Variants in EPB41L2 observed in about 807,000 individuals in gnomAD.
The protein encoded by EPB41L2 is band 4.1-like protein 2.
A neutral mutation model predicts 113.0 loss-of-function variants in EPB41L2; 43 were observed. The observed-to-expected ratio is 0.38, with a 90% CI of 0.30 to 0.49. The LOEUF (loss-of-function observed/expected upper bound fraction) is 0.49, where lower values mean the gene tolerates loss of function less well. Ranked by LOEUF, EPB41L2 falls within the 20% of genes least tolerant of loss-of-function variation. The pLI is 0.95. For synonymous variants in EPB41L2, 442 were observed against 436.7 expected (o/e 1.01, Z -0.15); for missense variants, 1,147 against 1,223.4 (o/e 0.94, Z 0.93).
intron 18 of EPB41L2, among the ~76,000 whole-genome samples, chr6:130,858,667 C>T (rs374885615): frequency 6.6e-6 from 1 of 152,270 alleles, no homozygotes; most frequent in African/African-American, 2.4e-5. Context: ...TCTAGACATT[C>T]AGGTGATACT....
chr6:130,962,645 C>T (rs563861276), intron 1 of EPB41L2, among the ~76,000 whole-genome samples: 13 of 152,126 alleles, frequency 8.5e-5, no homozygotes, highest in South Asian at 4.1e-4. Context: ...AACTAATATC[C>T]GGTTTAAATT....
In EPB41L2 at chr6:130,955,984, C is replaced by A; in HGVS notation, c.492+10G>T. ...GGTTTTCATTTCCAGGCAATTATTC[C>A]CAAACATACCTGCATCTCCACTTTG... On this transcript the variant is annotated intron_variant, in intron 2 of 19. Transcript: ENST00000337057. 1 of 1,598,924 alleles carries A rather than the reference C, an allele frequency of 6.3e-7. No individual in the cohort carries two copies. Among genetic ancestry groups the A allele is most frequent in the Non-Finnish European group, 8.5e-7 (1 of 1,175,140 alleles).
chr6:131,054,814 T>C (rs1472105642), intron 1 of EPB41L2, among the ~76,000 whole-genome samples: 1 of 152,248 alleles, frequency 6.6e-6, no homozygotes, highest in Non-Finnish European at 1.5e-5. Flanking sequence ...AGGCAGCCCC[T>C]GAGCTTCCAC....
At chr6:131,037,879 G>A (rs955585089) in intron 1 of EPB41L2, among the ~76,000 whole-genome samples, 10 of 151,990 alleles carry the variant, frequency 6.6e-5, no homozygotes, top group South Asian at 2.1e-4. Flanking sequence ...ATGAGCCATC[G>A]CACCCAGCCC....
chr6:130,996,428 A>C (rs971786259), intron 1 of EPB41L2, among the ~76,000 whole-genome samples: 1 of 152,170 alleles, frequency 6.6e-6, no homozygotes, highest in African/African-American at 2.4e-5. Context: ...TCTGATCTTT[A>C]CTTGTTTCAA....
chr6:131,018,519 T>G (rs549186957), intron 1 of EPB41L2, among the ~76,000 whole-genome samples: 1 of 152,232 alleles, frequency 6.6e-6, no homozygotes, highest in Non-Finnish European at 1.5e-5. Flanking sequence ...CTTTTCACTG[T>G]GGTAATTTTT....
intron 1 of EPB41L2, among the ~76,000 whole-genome samples, chr6:131,053,953 C>T (rs1242084088): frequency 6.6e-6 from 1 of 152,252 alleles, no homozygotes; most frequent in Non-Finnish European, 1.5e-5. Flanking sequence ...AGCATGGCCA[C>T]AAACATGGAG....
chr6:130,945,121 A>G (rs1008916071), intron 3 of EPB41L2, among the ~76,000 whole-genome samples: 25 of 152,194 alleles, frequency 1.6e-4, no homozygotes, highest in African/African-American at 5.5e-4. Flanking sequence ...ATCTGCCACT[A>G]TTTTTATGGA....
chr6:130,970,940 G>A (rs1435641966), intron 1 of EPB41L2, among the ~76,000 whole-genome samples: 4 of 152,124 alleles, frequency 2.6e-5, no homozygotes, highest in Admixed American at 2.6e-4. Context: ...AGGCTGGAGT[G>A]CAGTGGCACA....
intron 3 of EPB41L2, among the ~76,000 whole-genome samples, chr6:130,937,111 C>G (rs1183872853): frequency 6.6e-6 from 1 of 152,216 alleles, no homozygotes; most frequent in Non-Finnish European, 1.5e-5. Flanking sequence ...ACATTTGTTA[C>G]AACTGGTGAA....
In EPB41L2 at chr6:130,867,541, G is replaced by C; in HGVS notation, c.2648C>G (p.Ala883Gly). The change falls in exon 16 of 20, where the codon GCC (alanine) becomes GGC (glycine). Residue 883 changes from alanine to glycine, a missense_variant. Transcript: ENST00000337057. Reference sequence around the variant, plus strand: ...GGTGGAGATTTCTGTCCTTTGTGAGGCATCAGAAATTGTTACCATCTCTGT... The same window carrying C: ...GGTGGAGATTTCTGTCCTTTGTGAGCCATCAGAAATTGTTACCATCTCTGT... The part of the protein sequence containing the change: ...VKTEMVTISD[A>G]SQRTEISTKE... 6.2e-7 allele frequency: 1 copy of C among 1,613,874 alleles called. No individual in the cohort carries two copies. The highest frequency in any genetic ancestry group is 1.1e-5 in the South Asian group (1 of 91,080).
intron 4 of EPB41L2, among the ~76,000 whole-genome samples, chr6:130,911,297 C>T (rs1799310681): frequency 6.6e-6 from 1 of 152,088 alleles, no homozygotes; most frequent in Non-Finnish European, 1.5e-5. Flanking sequence ...CATATTCGCA[C>T]TCATAAGTGG....
chr6:131,060,366 AC>A, intron 1 of EPB41L2, among the ~76,000 whole-genome samples: 1 of 152,370 alleles, frequency 6.6e-6, no homozygotes, highest in Non-Finnish European at 1.5e-5. Context: ...GTACAATATT[AC>A]TAATTACAGA....
At position 130,998,299 on chromosome 6, in the gene EPB41L2, A is replaced by T. The variant is rs114994970; in HGVS notation, c.-14-41800T>A. On this transcript the variant is annotated intron_variant, in intron 1 of 19. Coordinates refer to ENST00000337057, the MANE Select transcript of EPB41L2 (RefSeq NM_001431.4). Reference sequence around the variant, plus strand: ...TAATTTTCACATGGATTAAGGACAAATTCTTTTCAAAAATGGGACAAGAAC... The same window carrying T: ...TAATTTTCACATGGATTAAGGACAATTTCTTTTCAAAAATGGGACAAGAAC... Among the ~76,000 whole-genome samples the T allele has an allele frequency of 4.9e-3, 754 of 152,336 alleles. 3 individuals are homozygous for T. The highest frequency in any genetic ancestry group is 0.017 in the African/African-American group (722 of 41,586).
chr6:130,981,989 A>G (rs1019147467), intron 1 of EPB41L2, among the ~76,000 whole-genome samples: 11 of 152,252 alleles, frequency 7.2e-5, no homozygotes, highest in South Asian at 6.2e-4. Flanking sequence ...CAAACTACTA[A>G]GGAATAATAG....
chr6:130,869,659 G>T lies in EPB41L2; in HGVS notation c.2511C>A (p.Asp837Glu). 1 of 1,614,160 alleles carries T rather than the reference G, an allele frequency of 6.2e-7. No individual in the cohort carries two copies. The highest frequency in any genetic ancestry group is 8.5e-7 in the Non-Finnish European group (1 of 1,180,044). ...GCTCTTCCTCTGCTTCTTCTCCCAT[G>T]TCTTGCTTAAGAGCGCCTTCGTGTA... ...KSVHEGALKQ[D>E]MGEEAEEEPQ... The change falls in exon 15 of 20, where the codon GAC (aspartate) becomes GAA (glutamate). Residue 837 changes from aspartate (D) to glutamate (E), a missense_variant. Physicochemically the swap from Asp to Glu is conservative, Grantham distance 45 (BLOSUM62 2). Coordinates refer to ENST00000337057, the MANE Select transcript of EPB41L2 (RefSeq NM_001431.4).
At chr6:130,943,012 T>G (rs995454651) in intron 3 of EPB41L2, among the ~76,000 whole-genome samples, 3 of 152,182 alleles carry the variant, frequency 2.0e-5, no homozygotes, top group Non-Finnish European at 4.4e-5. Context: ...GGCATTTGGG[T>G]TGGTTCCAAG....
chr6:130,973,748 C>A (rs867901062), intron 1 of EPB41L2, among the ~76,000 whole-genome samples: 52 of 152,122 alleles, frequency 3.4e-4, no homozygotes, highest in African/African-American at 1.2e-3. Context: ...AAGCCCCCTC[C>A]CCACTGCCTT....
At chr6:130,974,385 G>A (rs1008559527) in intron 1 of EPB41L2, among the ~76,000 whole-genome samples, 2 of 151,946 alleles carry the variant, frequency 1.3e-5, no homozygotes, top group African/African-American at 2.4e-5. Context: ...ATGGCAGCAC[G>A]AGCTAAGATG....
Sources: allele counts gnomAD v4.1 joint callset (sites outside exome capture counted in the v4.1 genomes callset), GRCh38; gene constraint gnomAD v4.1.1; transcripts MANE v1.5; gene names NCBI Gene and HGNC (gene_info 2026-07-23, HGNC 2026-07-21).